Variants in CHL1 observed in about 807,000 individuals in gnomAD.
CHL1 encodes cell adhesion molecule L1 like.
A neutral mutation model predicts 141.9 loss-of-function variants in CHL1; 96 were observed. The observed-to-expected ratio is 0.68, with a 90% CI of 0.57 to 0.80. The LOEUF (loss-of-function observed/expected upper bound fraction) is 0.80, where lower values mean the gene tolerates loss of function less well. Ranked by LOEUF, CHL1 falls within the 30% of genes least tolerant of loss-of-function variation. The probability of loss-of-function intolerance (pLI) is 0.00; values close to 1 mark genes in which losing one functional copy is unlikely to be tolerated. For synonymous variants in CHL1, 613 were observed against 502.2 expected (o/e 1.22, Z -2.95); for missense variants, 1,820 against 1,457.2 (o/e 1.25, Z -4.05).
intron 2 of CHL1, among the ~76,000 whole-genome samples, chr3:281,593 T>G (rs1696660301): frequency 1.3e-5 from 2 of 148,360 alleles, no homozygotes; most frequent in African/African-American, 2.5e-5. Flanking sequence ...AAAGTCCCAC[T>G]CTGTCGCCCA....
chr3:363,189 G>A (rs1351891364), intron 13 of CHL1, 28 bp from the exon 14 acceptor site: 1 of 1,592,740 alleles, frequency 6.3e-7, no homozygotes, highest in Non-Finnish European at 8.5e-7. Flanking sequence ...CCCTACCTCA[G>A]ATGGATGTAC....
chr3:280,932 C>T (rs1364052867), intron 2 of CHL1, among the ~76,000 whole-genome samples: 1 of 151,990 alleles, frequency 6.6e-6, no homozygotes, highest in Non-Finnish European at 1.5e-5. Flanking sequence ...CACACACACA[C>T]ACGCACACAC....
At chr3:265,828 C>T (rs1386955488) in intron 2 of CHL1, among the ~76,000 whole-genome samples, 1 of 152,158 alleles carries the variant, frequency 6.6e-6, no homozygotes, top group Non-Finnish European at 1.5e-5. Flanking sequence ...TTGGGATAAT[C>T]AACCTCGGAG....
intron 8 of CHL1, among the ~76,000 whole-genome samples, chr3:344,058 G>A (rs752333141): frequency 6.6e-6 from 1 of 152,086 alleles, no homozygotes; most frequent in African/African-American, 2.4e-5. Flanking sequence ...CTAAAACTGT[G>A]TTTTTCTTTA....
chr3:230,403 T>A (rs531040421), intron 1 of CHL1, among the ~76,000 whole-genome samples: 1 of 152,168 alleles, frequency 6.6e-6, no homozygotes. Flanking sequence ...AACCACCAGC[T>A]GATGACTTGA....
chr3:371,975 A>G (rs1051434544), intron 15 of CHL1, among the ~76,000 whole-genome samples: 2 of 152,012 alleles, frequency 1.3e-5, no homozygotes, highest in Non-Finnish European at 2.9e-5. Context: ...TGAGAGGTCC[A>G]CCGTTAGTCT....
intron 23 of CHL1, among the ~76,000 whole-genome samples, chr3:393,244 A>AAAAAAAAG (rs1708394445): frequency 6.6e-6 from 1 of 151,478 alleles, no homozygotes. Context: ...AAAAAAAAAA[A>AAAAAAAAG]AAAGTGTTAA....
intron 2 of CHL1, among the ~76,000 whole-genome samples, chr3:262,613 G>C (rs991040855): frequency 1.3e-5 from 2 of 152,276 alleles, no homozygotes; most frequent in African/African-American, 4.8e-5. Context: ...GCTAAGGGAT[G>C]AGGTATCAGG....
At chr3:206,724 G>A (rs771848867) in intron 1 of CHL1, among the ~76,000 whole-genome samples, 4 of 152,140 alleles carry the variant, frequency 2.6e-5, no homozygotes, top group African/African-American at 9.7e-5. Flanking sequence ...AGTCATATAA[G>A]CGTCTAATGG....
chr3:251,566 A>C (rs1295530066), intron 2 of CHL1, among the ~76,000 whole-genome samples: 1 of 152,104 alleles, frequency 6.6e-6, no homozygotes. Context: ...CACTTCTTTA[A>C]AATGGGGGAT....
intron 1 of CHL1, among the ~76,000 whole-genome samples, chr3:210,057 G>T (rs951952275): frequency 2.0e-5 from 3 of 152,180 alleles, no homozygotes; most frequent in Non-Finnish European, 4.4e-5. Context: ...GACCTCAATA[G>T]ATATGTGTTT....
chr3:272,828 C>T (rs1178266512), intron 2 of CHL1, among the ~76,000 whole-genome samples: 1 of 152,120 alleles, frequency 6.6e-6, no homozygotes, highest in Admixed American at 6.5e-5. Context: ...TACTGAACTC[C>T]CATATTTGCC....
Position 360,209 on chromosome 3 carries a change from A to T in CHL1, c.1166-75A>T, listed in dbSNP as rs190485459. The T allele has an allele frequency of 1.2e-3, 1,751 of 1,520,904 alleles. 1 individual carries two copies. The highest frequency in any genetic ancestry group is 1.4e-3 in the Admixed American group (82 of 57,504). The allele number at this position is 1,520,904 out of a possible 1,614,324, so 94.2% of individuals were successfully genotyped here. ...GGTTTGAAAATATAAATACTGTGTG[A>T]CACATTTAATAAATGGTGTATAAAT... On this transcript the variant is annotated intron_variant, in intron 11 of 27. Transcript: ENST00000256509.
At chr3:211,759 C>T (rs1026619253) in intron 1 of CHL1, among the ~76,000 whole-genome samples, 1 of 152,140 alleles carries the variant, frequency 6.6e-6, no homozygotes, top group Non-Finnish European at 1.5e-5. Context: ...TACACAACCC[C>T]AAAATGCTGT....
chr3:377,927 C>G lies in CHL1; in HGVS notation c.1861C>G (p.Gln621Glu), dbSNP rs1193715629. The change falls in exon 16 of 28, where the codon CAA (glutamine) becomes GAA (glutamate). Residue 621 changes from glutamine (Q) to glutamate (E), a missense_variant. Physicochemically the swap from Gln to Glu is conservative, Grantham distance 29. Coordinates refer to ENST00000256509, the MANE Select transcript of CHL1 (RefSeq NM_006614.4). ...TALDSAADIT[Q>E]VTVLDVPDPP... ...TCTAGACAGTGCTGCCGATATAACT[C>G]AAGTAACTGTTCTTGGTAAGTGCAC... The G allele has an allele frequency of 6.2e-7, 1 of 1,607,386 alleles. No individual in the cohort carries two copies. The highest frequency in any genetic ancestry group is 1.3e-5 in the African/African-American group (1 of 74,252).
chr3:278,414 G>A (rs1696345711), intron 2 of CHL1, among the ~76,000 whole-genome samples: 1 of 152,156 alleles, frequency 6.6e-6, no homozygotes, highest in Non-Finnish European at 1.5e-5. Context: ...ATGATGCCAT[G>A]AGTTAATTTC....
intron 2 of CHL1, among the ~76,000 whole-genome samples, chr3:303,874 C>A (rs1189649162): frequency 1.3e-5 from 2 of 152,214 alleles, no homozygotes; most frequent in Non-Finnish European, 2.9e-5. Flanking sequence ...CCATAAATAG[C>A]TCTTATTATT....
At chr3:290,006 A>G (rs1456522478) in intron 2 of CHL1, among the ~76,000 whole-genome samples, 1 of 140,128 alleles carries the variant, frequency 7.1e-6, no homozygotes, top group African/African-American at 2.8e-5. Flanking sequence ...CTCACAGTAT[A>G]CTCATAGCCA....
chr3:206,232 C>G (rs527267494), intron 1 of CHL1, among the ~76,000 whole-genome samples: 1 of 152,202 alleles, frequency 6.6e-6, no homozygotes, highest in Non-Finnish European at 1.5e-5. Flanking sequence ...CTTTGGGAGG[C>G]TGAGACGGGT....
Sources: gnomAD v4.1 joint callset for allele counts (sites outside exome capture counted in the v4.1 genomes callset) on GRCh38, gnomAD v4.1.1 for gene constraint, MANE v1.5 for transcripts, NCBI Gene and HGNC (gene_info 2026-07-23, HGNC 2026-07-21) for gene names.